The following ASH1L variants were observed in gnomAD, a reference collection of about 807,000 sequenced individuals.
ASH1L encodes the protein histone-lysine N-methyltransferase ASH1L.
ASH1L carries 23 observed loss-of-function variants against 269.0 expected under a neutral mutation model. The observed-to-expected ratio is 0.09, with a 90% CI of 0.06 to 0.12. The LOEUF (loss-of-function observed/expected upper bound fraction) is 0.12, where lower values mean the gene tolerates loss of function less well. Ranked by LOEUF, ASH1L falls within the 10% of genes least tolerant of loss-of-function variation. ASH1L has a pLI of 1.00. For synonymous variants in ASH1L, 1,187 were observed against 1,253.5 expected (o/e 0.95, Z 1.12); for missense variants, 2,912 against 3,567.8 (o/e 0.82, Z 4.68).
intron 10 of ASH1L, 39 bp downstream of exon 10, chr1:155,378,242 T>TA: frequency 6.5e-7 from 1 of 1,527,796 alleles, no homozygotes; most frequent in African/African-American, 1.4e-5. Flanking sequence ...ATGTATACCT[T>TA]AAAGCCTATG....
At chr1:155,560,479 C>T (rs1409680209) in intron 1 of ASH1L, among the ~76,000 whole-genome samples, 1 of 152,152 alleles carries the variant, frequency 6.6e-6, no homozygotes, top group Non-Finnish European at 1.5e-5. Context: ...TTCCAACATC[C>T]ACAGGCACAT....
chr1:155,397,254 T>C (rs1658436478), intron 6 of ASH1L, among the ~76,000 whole-genome samples: 1 of 151,598 alleles, frequency 6.6e-6, no homozygotes, highest in South Asian at 2.1e-4. Context: ...CCTAGCACTG[T>C]GGGAGGCCAA....
intron 4 of ASH1L, among the ~76,000 whole-genome samples, chr1:155,455,886 C>A (rs1663828443): frequency 6.6e-6 from 1 of 152,142 alleles, no homozygotes; most frequent in Non-Finnish European, 1.5e-5. Flanking sequence ...CCTTCCAAAG[C>A]CAAAACTAAA....
intron 5 of ASH1L, among the ~76,000 whole-genome samples, chr1:155,423,038 C>G (rs1162799163): frequency 6.6e-6 from 1 of 151,328 alleles, no homozygotes; most frequent in Non-Finnish European, 1.5e-5. Flanking sequence ...AGCTCTGCCT[C>G]CCAGGCTCAA....
At chr1:155,473,474 A>C (rs1006654767) in intron 3 of ASH1L, among the ~76,000 whole-genome samples, 1 of 149,192 alleles carries the variant, frequency 6.7e-6, no homozygotes, top group Non-Finnish European at 1.5e-5. Context: ...TAATGCCTAT[A>C]TTTATTGTAG....
At chr1:155,433,842 G>C (rs767550508) in intron 5 of ASH1L, 10 of 1,606,952 alleles carry the variant, frequency 6.2e-6, no homozygotes. Context: ...CAGGAGACAT[G>C]CAAAGCAGAA....
At chr1:155,474,156 T>C (rs1482999417) in intron 3 of ASH1L, among the ~76,000 whole-genome samples, 1 of 152,158 alleles carries the variant, frequency 6.6e-6, no homozygotes, top group Non-Finnish European at 1.5e-5. Context: ...TTAACTGCTG[T>C]TTTTGAAAAT....
At chr1:155,536,886 CA>C (rs565736796) in intron 1 of ASH1L, among the ~76,000 whole-genome samples, 132 of 150,164 alleles carry the variant, frequency 8.8e-4, no homozygotes, top group Non-Finnish European at 1.3e-3. Context: ...ACCAAAAATA[CA>C]AAAAAAAATT....
intron 2 of ASH1L, among the ~76,000 whole-genome samples, chr1:155,510,900 A>T (rs965362844): frequency 8.5e-5 from 13 of 152,160 alleles, no homozygotes; most frequent in African/African-American, 3.1e-4. Flanking sequence ...AACTGATTAG[A>T]TAATTAACTT....
At position 155,480,209 on chromosome 1, in the gene ASH1L, T is replaced by C. The variant is rs767680488; in HGVS notation, c.2661A>G (p.Pro887=). Residue 887 remains proline (P), a synonymous_variant, in exon 3 of 28, where the codon CCA becomes CCG. Transcript: ENST00000392403. Reference sequence around the variant, plus strand: ...GCCTCTTAGGCCTGCCTCTCTTTTTTGGAAAAGGAGACACAGACAGACCTT... The same window carrying C: ...GCCTCTTAGGCCTGCCTCTCTTTTTCGGAAAAGGAGACACAGACAGACCTT... ...FKQGLSVSPF[P]KKRGRPKRQM... 3.1e-6 allele frequency: 5 copies of C among 1,614,050 alleles called. No homozygotes were observed. Among genetic ancestry groups the C allele is most frequent in the Non-Finnish European group, 4.2e-6 (5 of 1,180,000 alleles).
chr1:155,531,988 C>T (rs1451121637), intron 1 of ASH1L, among the ~76,000 whole-genome samples: 5 of 152,180 alleles, frequency 3.3e-5, no homozygotes, highest in Non-Finnish European at 7.3e-5. Flanking sequence ...TCTAAACAAT[C>T]TAGGTTTTCC....
intron 19 of ASH1L, among the ~76,000 whole-genome samples, chr1:155,348,872 T>G (rs1343797417): frequency 7.1e-6 from 1 of 140,946 alleles, no homozygotes; most frequent in African/African-American, 2.7e-5. Flanking sequence ...CAGAGCAAGA[T>G]TCTGTCTCAT....
chr1:155,469,811 C>T (rs1470773421), intron 3 of ASH1L, among the ~76,000 whole-genome samples: 1 of 152,212 alleles, frequency 6.6e-6, no homozygotes, highest in Non-Finnish European at 1.5e-5. Context: ...ACTAATCCAT[C>T]TATCACACTG....
At chr1:155,509,792 C>T (rs1199041570) in intron 2 of ASH1L, among the ~76,000 whole-genome samples, 1 of 151,542 alleles carries the variant, frequency 6.6e-6, no homozygotes, top group Non-Finnish European at 1.5e-5. Context: ...GAGCGAGACT[C>T]CATCTCAAAT....
chr1:155,406,203 CAAA>C (rs964056210), intron 6 of ASH1L, among the ~76,000 whole-genome samples: 4 of 52,100 alleles, frequency 7.7e-5, no homozygotes, highest in Admixed American at 2.0e-4. Flanking sequence ...GACTCTGTCT[CAAA>C]AAAAAAAAAA....
At chr1:155,357,268 C>T (rs1249760168) in intron 15 of ASH1L, 48 bp downstream of exon 15, 2 of 1,450,210 alleles carry the variant, frequency 1.4e-6, no homozygotes, top group Non-Finnish European at 9.6e-7. Flanking sequence ...CACAGATAAG[C>T]AATCATGTAA....
intron 16 of ASH1L, 43 bp from the exon 17 acceptor site, chr1:155,352,901 C>G: frequency 2.0e-6 from 3 of 1,535,238 alleles, no homozygotes; most frequent in Non-Finnish European, 2.6e-6. Context: ...AAACAAGGAG[C>G]TCTACATGTC....
At chr1:155,553,621 C>G (rs1178140053) in intron 1 of ASH1L, among the ~76,000 whole-genome samples, 1 of 152,178 alleles carries the variant, frequency 6.6e-6, no homozygotes, top group East Asian at 1.9e-4. Flanking sequence ...CCTTTAAAGC[C>G]TGGCTCTTCC....
At chr1:155,560,308 A>G (rs1671874303) in intron 1 of ASH1L, among the ~76,000 whole-genome samples, 1 of 152,178 alleles carries the variant, frequency 6.6e-6, no homozygotes, top group Non-Finnish European at 1.5e-5. Flanking sequence ...GACCCCAAAA[A>G]ATTTTAAGAA....
Sources: allele counts gnomAD v4.1 joint callset (sites outside exome capture counted in the v4.1 genomes callset), GRCh38; gene constraint gnomAD v4.1.1; transcripts MANE v1.5; gene names NCBI Gene and HGNC (gene_info 2026-07-23, HGNC 2026-07-21).